Variants in CFTR observed in about 807,000 individuals in gnomAD.
CFTR encodes the protein cystic fibrosis transmembrane conductance regulator.
A neutral mutation model predicts 171.6 loss-of-function variants in CFTR; 181 were observed. The observed-to-expected ratio is 1.05, with a 90% confidence interval of 0.93 to 1.19. The LOEUF is 1.19. CFTR is among the 50% of genes most tolerant of loss of function. The pLI, the probability that CFTR is intolerant of heterozygous loss-of-function variation, is 0.00. For synonymous variants in CFTR, 583 were observed against 608.0 expected, an observed-to-expected ratio of 0.96 and a Z score of 0.60; for missense variants, 1,968 against 1,734.7, an observed-to-expected ratio of 1.13 and a Z score of -2.39.
chr7:117,481,851 A>G (rs1430916745), intron 1 of CFTR, among the ~76,000 whole-genome samples: 1 of 152,176 alleles, frequency 6.6e-6, no homozygotes, highest in African/African-American at 2.4e-5. Flanking sequence ...TAGGCTTTGG[A>G]GTCAGATTAT....
chr7:117,600,695 G>A (rs1562910753), intron 15 of CFTR, among the ~76,000 whole-genome samples: 3 of 151,930 alleles, frequency 2.0e-5, no homozygotes, highest in Non-Finnish European at 4.4e-5. Context: ...TGGGTATTAA[G>A]CACACTGTTT....
chr7:117,576,797 G>T (rs575574902), intron 11 of CFTR, among the ~76,000 whole-genome samples: 25 of 152,114 alleles, frequency 1.6e-4, no homozygotes, highest in African/African-American at 5.8e-4. Context: ...TCATTAAGTT[G>T]TCCTCTATAC....
chr7:117,493,829 T>A (rs1798198655), intron 1 of CFTR, among the ~76,000 whole-genome samples: 1 of 151,726 alleles, frequency 6.6e-6, no homozygotes, highest in Non-Finnish European at 1.5e-5. Flanking sequence ...CCATGTTTAG[T>A]TTGAAAGTGG....
At chr7:117,656,397 C>T (rs184714132) in intron 24 of CFTR, among the ~76,000 whole-genome samples, 70 of 152,202 alleles carry the variant, frequency 4.6e-4, no homozygotes, top group Non-Finnish European at 7.9e-4. Flanking sequence ...TGAGCACTGC[C>T]GGGCAAAATG....
In CFTR at chr7:117,592,075, A is replaced by G; in HGVS notation, c.1908A>G (p.Leu636=). 6.2e-7 allele frequency: 1 copy of G among 1,611,938 alleles called. No individual in the cohort carries two copies. The highest frequency in any genetic ancestry group is 8.5e-7 in the Non-Finnish European group (1 of 1,179,212). The change falls in exon 14 of 27, where the codon CTA becomes CTG. Residue 636 remains leucine (L), a synonymous_variant. Transcript: ENST00000003084. ...FYGTFSELQN[L]QPDFSSKLMG... is the part of the protein sequence containing the mutation. The stretch of plus-strand genomic sequence containing the variant: ...GGACATTTTCAGAACTCCAAAATCT[A>G]CAGCCAGACTTTAGCTCAAAACTCA...
At chr7:117,532,083 A>G (rs1387170350) in intron 4 of CFTR, among the ~76,000 whole-genome samples, 1 of 152,082 alleles carries the variant, frequency 6.6e-6, no homozygotes, top group Non-Finnish European at 1.5e-5. Flanking sequence ...AAGTTAAAAA[A>G]AAAAAACAAA....
chr7:117,626,205 A>G (rs1171273718), intron 21 of CFTR, among the ~76,000 whole-genome samples: 1 of 152,132 alleles, frequency 6.6e-6, no homozygotes, highest in Non-Finnish European at 1.5e-5. Context: ...AACAGGCAAT[A>G]CAGTTAGAAT....
At chr7:117,513,546 C>T (rs1214122049) in intron 3 of CFTR, among the ~76,000 whole-genome samples, 1 of 152,022 alleles carries the variant, frequency 6.6e-6, no homozygotes, top group Admixed American at 6.6e-5. Context: ...CTTCTATCTG[C>T]TGGGCCTGTG....
intron 23 of CFTR, among the ~76,000 whole-genome samples, chr7:117,642,884 C>T (rs1792942246): frequency 1.3e-5 from 2 of 152,110 alleles, no homozygotes; most frequent in African/African-American, 4.8e-5. Context: ...TTTGTTCCTG[C>T]TTCAGTGGCC....
chr7:117,654,142 A>G (rs1351782063), intron 24 of CFTR, among the ~76,000 whole-genome samples: 1 of 152,096 alleles, frequency 6.6e-6, no homozygotes, highest in African/African-American at 2.4e-5. Context: ...CTGTGCTCCA[A>G]TCCCACACCT....
chr7:117,491,955 A>G (rs1164643470), intron 1 of CFTR, among the ~76,000 whole-genome samples: 1 of 152,094 alleles, frequency 6.6e-6, no homozygotes, highest in East Asian at 1.9e-4. Context: ...ATTGAAAGCC[A>G]TATATACCTC....
chr7:117,652,218 A>G (rs1299233343), intron 23 of CFTR, among the ~76,000 whole-genome samples: 1 of 152,182 alleles, frequency 6.6e-6, no homozygotes, highest in African/African-American at 2.4e-5. Flanking sequence ...ATTCCTTACC[A>G]GGAACATACA....
intron 22 of CFTR, among the ~76,000 whole-genome samples, chr7:117,631,815 A>G (rs756965518): frequency 2.0e-5 from 3 of 152,174 alleles, no homozygotes; most frequent in Non-Finnish European, 4.4e-5. Context: ...TATCAAACCT[A>G]AAGAGTTCAT....
At chr7:117,665,422 CT>C (rs1208675095) in intron 25 of CFTR, 36 bp from the exon 26 acceptor site, 1 of 1,152,774 alleles carries the variant, frequency 8.7e-7, no homozygotes. Flanking sequence ...CATTACTGTT[CT>C]GTGATATTAT....
At chr7:117,489,826 C>G (rs1265451974) in intron 1 of CFTR, among the ~76,000 whole-genome samples, 1 of 151,656 alleles carries the variant, frequency 6.6e-6, no homozygotes, top group Admixed American at 6.6e-5. Context: ...TTTCTTGGTT[C>G]CTGTCTATAA....
chr7:117,503,997 T>G (rs1798372711), intron 1 of CFTR, among the ~76,000 whole-genome samples: 1 of 152,172 alleles, frequency 6.6e-6, no homozygotes, highest in South Asian at 2.1e-4. Context: ...GTTTTTTCCC[T>G]GGGAAAAACC....
intron 3 of CFTR, among the ~76,000 whole-genome samples, chr7:117,516,644 T>C (rs1192025698): frequency 6.6e-6 from 1 of 152,084 alleles, no homozygotes; most frequent in Non-Finnish European, 1.5e-5. Flanking sequence ...CTAGTTCAAA[T>C]ATTAGTTTTT....
At chr7:117,636,826 T>C (rs1201960274) in intron 22 of CFTR, among the ~76,000 whole-genome samples, 1 of 151,964 alleles carries the variant, frequency 6.6e-6, no homozygotes, top group Non-Finnish European at 1.5e-5. Context: ...AGCTTTTTTT[T>C]TTTTTCTTTT....
intron 1 of CFTR, chr7:117,487,630 T>C (rs1298913266): frequency 2.0e-5 from 3 of 152,150 alleles, no homozygotes; most frequent in African/African-American, 7.2e-5. Context: ...TATCCTTGTT[T>C]TATGTTAAAA....
Sources: allele counts gnomAD v4.1 joint callset (sites outside exome capture counted in the v4.1 genomes callset), GRCh38; gene constraint gnomAD v4.1.1; transcripts MANE v1.5; gene names NCBI Gene and HGNC (gene_info 2026-07-23, HGNC 2026-07-21).